The following OPRD1 variants were observed in gnomAD, a reference collection of about 807,000 sequenced individuals.
OPRD1 encodes the protein opioid receptor delta 1.
In OPRD1, 19 loss-of-function variants were observed where a neutral mutation model predicts 17.5. The ratio of observed to expected loss-of-function variants is 1.09; its 90% CI spans 0.76 to 1.60. OPRD1 has a LOEUF of 1.60. Among genes scored for constraint, OPRD1 ranks in the 40% most tolerant of loss-of-function variants. OPRD1 has a pLI of 0.00. For missense variants in OPRD1, 483 were observed against 547.2 expected, an observed-to-expected ratio of 0.88 and a Z score of 1.17; for synonymous variants, 256 against 240.9, an observed-to-expected ratio of 1.06 and a Z score of -0.58.
chr1:28,819,692 T>A (rs2124258997), intron 1 of OPRD1, among the ~76,000 whole-genome samples: 1 of 152,280 alleles, frequency 6.6e-6, no homozygotes, highest in African/African-American at 2.4e-5. Flanking sequence ...GAGTCGAGAT[T>A]CCAACCCAGG....
chr1:28,843,663 C>A (rs1328260432), intron 1 of OPRD1, among the ~76,000 whole-genome samples: 4 of 152,162 alleles, frequency 2.6e-5, no homozygotes, highest in Non-Finnish European at 5.9e-5. Flanking sequence ...CTCTGTCGCC[C>A]ATGCTGGAGT....
At chr1:28,848,862 C>T (rs2088975380) in intron 1 of OPRD1, among the ~76,000 whole-genome samples, 1 of 152,114 alleles carries the variant, frequency 6.6e-6, no homozygotes, top group Non-Finnish European at 1.5e-5. Flanking sequence ...CCACGAGAAA[C>T]AACTGGAAGA....
At chr1:28,838,196 C>G (rs544587566) in intron 1 of OPRD1, among the ~76,000 whole-genome samples, 45 of 151,994 alleles carry the variant, frequency 3.0e-4, no homozygotes, top group African/African-American at 1.0e-3. Context: ...ATGGACCTAC[C>G]CTATGCTGGT....
intron 1 of OPRD1, among the ~76,000 whole-genome samples, chr1:28,841,685 T>G (rs1235473116): frequency 2.0e-5 from 3 of 151,704 alleles, no homozygotes; most frequent in Admixed American, 1.3e-4. Flanking sequence ...GGGCATTTAT[T>G]TATTTATTTT....
intron 1 of OPRD1, among the ~76,000 whole-genome samples, chr1:28,854,620 TAA>T (rs549934813): frequency 1.9e-3 from 288 of 151,764 alleles, no homozygotes; most frequent in Middle Eastern, 7.0e-3. Context: ...GAGGTTGGAC[TAA>T]GACATCCACA....
In OPRD1 at chr1:28,812,478, C is replaced by G. The variant is rs986903874; in HGVS notation, c.95C>G (p.Ala32Gly). 1 of 1,543,210 alleles carries G rather than the reference C, an allele frequency of 6.5e-7. No individual in the cohort carries two copies. Among genetic ancestry groups the G allele is most frequent in the African/African-American group, 1.4e-5 (1 of 71,014 alleles). The stretch of plus-strand genomic sequence containing the variant: ...CCTAGCGCCTGCCCCAGCGCTGGCG[C>G]CAATGCGTCGGGGCCGCCAGGCGCG... ...AYPSACPSAG[A>G]NASGPPGARS... The change falls in exon 1 of 3, where the codon GCC (alanine) becomes GGC (glycine). Residue 32 changes from alanine to glycine, a missense_variant. Physicochemically the swap from Ala to Gly is moderately conservative, Grantham distance 60. Coordinates refer to ENST00000234961, the MANE Select transcript of OPRD1 (RefSeq NM_000911.4).
intron 2 of OPRD1, among the ~76,000 whole-genome samples, chr1:28,860,301 G>T (rs542435871): frequency 5.1e-4 from 78 of 151,572 alleles, no homozygotes; most frequent in Non-Finnish European, 8.8e-4. Flanking sequence ...GGAGGCGGAA[G>T]TTGCAGTGAG....
At chr1:28,839,722 C>T (rs1027447712) in intron 1 of OPRD1, among the ~76,000 whole-genome samples, 13 of 152,148 alleles carry the variant, frequency 8.5e-5, no homozygotes, top group African/African-American at 2.2e-4. Flanking sequence ...GTTTAGTTAA[C>T]GACAAATTAG....
chr1:28,844,917 G>A (rs2088926769), intron 1 of OPRD1, among the ~76,000 whole-genome samples: 2 of 151,802 alleles, frequency 1.3e-5, no homozygotes, highest in Non-Finnish European at 2.9e-5. Flanking sequence ...GCTAATTTTT[G>A]TATTTTTTTG....
chr1:28,863,057 C>T lies in OPRD1; in HGVS notation c.893C>T (p.Ala298Val), dbSNP rs1460862624. 4.4e-6 allele frequency: 7 copies of T among 1,605,440 alleles called. No homozygotes were observed. Among genetic ancestry groups the T allele is most frequent in the Non-Finnish European group, 5.1e-6 (6 of 1,175,828 alleles). The change falls in exon 3 of 3, where the codon GCT becomes GTT. Residue 298 changes from alanine (A) to valine (V), a missense_variant. Coordinates refer to ENST00000234961, the MANE Select transcript of OPRD1 (RefSeq NM_000911.4). ...GACCGGCGCGACCCGCTGGTGGTGG[C>T]TGCGCTGCACCTGTGCATCGCGCTG... ...DIDRRDPLVV[A>V]ALHLCIALGY...
At chr1:28,834,803 A>T (rs1433171694) in intron 1 of OPRD1, among the ~76,000 whole-genome samples, 5 of 152,194 alleles carry the variant, frequency 3.3e-5, no homozygotes, top group African/African-American at 1.2e-4. Context: ...CAGGAACCTC[A>T]GGCTGCTGTC....
At chr1:28,814,007 G>C (rs1420916305) in intron 1 of OPRD1, among the ~76,000 whole-genome samples, 3 of 152,096 alleles carry the variant, frequency 2.0e-5, no homozygotes, top group Admixed American at 1.3e-4. Flanking sequence ...GGTGTCAGTG[G>C]GCTTCGGCAT....
In OPRD1 at chr1:28,836,774, T is replaced by G. The variant is rs570128129; in HGVS notation, c.228-22180T>G. Among the ~76,000 whole-genome samples, 5 of 152,264 alleles carry G rather than the reference T, an allele frequency of 3.3e-5. No homozygotes were observed. The South Asian group carries it at 1.0e-3, about 32-fold the overall frequency. ...TTGTCCAGGCTGGAATGCAGTGGCA[T>G]GAACACAGCTCATGACTTCCTGGGC... On this transcript the variant is annotated intron_variant, in intron 1 of 2. Coordinates refer to ENST00000234961, the MANE Select transcript of OPRD1 (RefSeq NM_000911.4).
chr1:28,845,349 C>G (rs1328580906), intron 1 of OPRD1, among the ~76,000 whole-genome samples: 1 of 151,704 alleles, frequency 6.6e-6, no homozygotes, highest in Non-Finnish European at 1.5e-5. Context: ...ATTAGCCGGG[C>G]ATGCTGGTGG....
At chr1:28,849,687 A>G (rs959056151) in intron 1 of OPRD1, among the ~76,000 whole-genome samples, 4 of 152,256 alleles carry the variant, frequency 2.6e-5, no homozygotes, top group Non-Finnish European at 5.9e-5. Context: ...AGATGAAGGA[A>G]CAAAAATGTT....
At chr1:28,837,292 T>C (rs1490159056) in intron 1 of OPRD1, among the ~76,000 whole-genome samples, 4 of 151,504 alleles carry the variant, frequency 2.6e-5, no homozygotes, top group African/African-American at 7.3e-5. Context: ...GGAGTGGCTA[T>C]ACATACAGAT....
Position 28,863,360 on chromosome 1 carries a change from A to T in OPRD1, c.*77A>T. The T allele has an allele frequency of 7.3e-7, 1 of 1,374,974 alleles. No homozygotes were observed. The highest frequency in any genetic ancestry group is 9.4e-7 in the Non-Finnish European group (1 of 1,066,026). 85.2% of individuals were successfully genotyped at this position (1,374,974 alleles called of 1,614,324 possible). A position where few individuals can be genotyped will look rare whatever the true frequency, so the allele number is the denominator to read the frequency against. The stretch of plus-strand genomic sequence containing the variant: ...TGAGTCCCAGTGGGAGGCGCGAGCC[A>T]TGATGTGGAGTGGGGCAGTAGAAGG... On this transcript the variant is annotated 3_prime_UTR_variant, in exon 3 of 3. Coordinates refer to ENST00000234961, the MANE Select transcript of OPRD1 (RefSeq NM_000911.4).
At chr1:28,860,290 G>C (rs2089101584) in intron 2 of OPRD1, among the ~76,000 whole-genome samples, 2 of 151,942 alleles carry the variant, frequency 1.3e-5, no homozygotes, top group South Asian at 4.2e-4. Context: ...ACTTGAACCT[G>C]GGAGGCGGAA....
chr1:28,842,159 A>G (rs1158905845), intron 1 of OPRD1, among the ~76,000 whole-genome samples: 3 of 152,072 alleles, frequency 2.0e-5, no homozygotes, highest in Admixed American at 1.3e-4. Context: ...CCTCCGGGGT[A>G]GCTGGGACTA....
Sources: gnomAD v4.1 joint callset for allele counts (sites outside exome capture counted in the v4.1 genomes callset) on GRCh38, gnomAD v4.1.1 for gene constraint, MANE v1.5 for transcripts, NCBI Gene and HGNC (gene_info 2026-07-23, HGNC 2026-07-21) for gene names.